The following CORO1A variants were observed in gnomAD, a reference collection of about 807,000 sequenced individuals.
The protein encoded by CORO1A is coronin-1A.
A neutral mutation model predicts 44.1 loss-of-function variants in CORO1A; 17 were observed. That is an observed-to-expected ratio of 0.39 (90% CI 0.26 to 0.58). The LOEUF (loss-of-function observed/expected upper bound fraction) is 0.58, where lower values mean the gene tolerates loss of function less well. Ranked by LOEUF, CORO1A falls within the 20% of genes least tolerant of loss-of-function variation. The pLI, the probability that CORO1A is intolerant of heterozygous loss-of-function variation, is 0.62. For missense variants in CORO1A, 415 were observed against 606.5 expected (o/e 0.68, Z 3.32); for synonymous variants, 271 against 244.2 (o/e 1.11, Z -1.02).
intron 10 of CORO1A, 105 bp from the exon 11 acceptor site, chr16:30,188,755 G>A: frequency 1.8e-6 from 1 of 566,098 alleles, no homozygotes; most frequent in Non-Finnish European, 3.0e-6. Flanking sequence ...AACCAGCTGA[G>A]CGACTAAAGG....
In CORO1A at chr16:30,187,077, G is replaced by A. The variant is rs780371160; in HGVS notation, c.490G>A (p.Gly164Arg). The change falls in exon 5 of 11, where the codon GGG (glycine) becomes AGG (arginine). Residue 164 changes from glycine to arginine, a missense_variant. Transcript: ENST00000219150. Reference protein sequence around the residue: ...NVIMVWDVGTGAAMLTLGPEV... With the variant: ...NVIMVWDVGTRAAMLTLGPEV... ...GATCATGGTGTGGGACGTGGGCACT[G>A]GGGCGGCCATGCTGACACTGGGCCC... is the stretch of plus-strand genomic sequence containing the variant. 1 of 1,614,068 alleles carries A rather than the reference G, an allele frequency of 6.2e-7. No individual in the cohort carries two copies. Among genetic ancestry groups the A allele is most frequent in the South Asian group, 1.1e-5 (1 of 91,082 alleles).
At chr16:30,188,109 C>T in intron 8 of CORO1A, 22 bp downstream of exon 8, 1 of 1,613,754 alleles carries the variant, frequency 6.2e-7, no homozygotes, top group Non-Finnish European at 8.5e-7. Context: ...CCGGCCCTGA[C>T]CGCAGCATGC....
At position 30,188,611 on chromosome 16, in the gene CORO1A, G is replaced by A; in HGVS notation, c.1281+35G>A. The A allele has an allele frequency of 3.6e-6, 4 of 1,120,104 alleles. 1 individual carries two copies. The highest frequency in any genetic ancestry group is 3.9e-6 in the Non-Finnish European group (3 of 764,492). 69.4% of individuals were successfully genotyped at this position (1,120,104 alleles called of 1,614,324 possible). A position where few individuals can be genotyped will look rare whatever the true frequency, so the allele number is the denominator to read the frequency against. Reference sequence around the variant, plus strand: ...CTGGGAAGCCAGGGAATAAAACTGGGAGGGTGGGGTGGGGCTGGTGTTTGG... The same window carrying A: ...CTGGGAAGCCAGGGAATAAAACTGGAAGGGTGGGGTGGGGCTGGTGTTTGG... On this transcript the variant is annotated intron_variant, in intron 10 of 10. Coordinates refer to ENST00000219150, the MANE Select transcript of CORO1A (RefSeq NM_007074.4).
rs770581580 is a variant in CORO1A at position 30,188,229 on chromosome 16, G to A, written c.1045G>A (p.Ala349Thr). The change falls in exon 9 of 11, where the codon GCC becomes ACC. Residue 349 changes from alanine (A) to threonine (T), a missense_variant. This residue lies in a region of CORO1A where 325 missense variants were observed against 521.7 expected (regional missense o/e 0.62). Coordinates refer to ENST00000219150, the MANE Select transcript of CORO1A (RefSeq NM_007074.4). ...KLHERRCEPI[A>T]MTVPRKSDLF... is the part of the protein sequence containing the mutation. ...GCACGAGCGGAGGTGTGAGCCCATT[G>A]CCATGACAGTGCCTCGAAAGGTGAT... 3.7e-6 allele frequency: 6 copies of A among 1,614,014 alleles called. No individual in the cohort carries two copies. The Admixed American group carries it at 5.0e-5, about 13-fold the overall frequency.
intron 5 of CORO1A, 57 bp downstream of exon 5, chr16:30,187,280 C>A: frequency 8.7e-6 from 14 of 1,604,970 alleles, no homozygotes; most frequent in Non-Finnish European, 1.2e-5. Context: ...TCTTATCCAC[C>A]ATCAGCCAGG....
intron 9 of CORO1A, 46 bp from the exon 10 acceptor site, chr16:30,188,315 G>A: frequency 1.9e-6 from 3 of 1,612,162 alleles, no homozygotes; most frequent in African/African-American, 1.3e-5. Flanking sequence ...TGTGGGGGGT[G>A]TCCTGGCATA....
intron 2 of CORO1A, 46 bp from the exon 3 acceptor site, chr16:30,186,552 G>A: frequency 1.2e-6 from 2 of 1,610,852 alleles, no homozygotes; most frequent in Non-Finnish European, 1.7e-6. Context: ...AGGTTGGATT[G>A]GGTTTGGGAG....
chr16:30,186,304 G>C, intron 2 of CORO1A: 1 of 437,494 alleles, frequency 2.3e-6, no homozygotes, highest in Non-Finnish European at 4.3e-6. Flanking sequence ...GCTGGGGTGG[G>C]GGTGCCAACC....
Position 30,188,255 on chromosome 16 carries a change from G to A in CORO1A, c.1065+6G>A. The stretch of plus-strand genomic sequence containing the variant: ...CCATGACAGTGCCTCGAAAGGTGAT[G>A]CTCCCCCGCCCCACCCTGGGCTCCA... On this transcript the variant is annotated splice_donor_region_variant and intron_variant, in intron 9 of 10. Coordinates refer to ENST00000219150, the MANE Select transcript of CORO1A (RefSeq NM_007074.4). 1 of 1,613,914 alleles carries A rather than the reference G, an allele frequency of 6.2e-7. No individual in the cohort carries two copies. The highest frequency in any genetic ancestry group is 8.5e-7 in the Non-Finnish European group (1 of 1,179,886).
chr16:30,186,392 G>A lies in CORO1A; in HGVS notation c.199-206G>A, dbSNP rs1213621750. ...TTGCACGGCCCCCAACCTCTGCCAT[G>A]CGTGGCCAGCCCTCCTGGGGTTTGC... On this transcript the variant is annotated intron_variant, in intron 2 of 10. Coordinates refer to ENST00000219150, the MANE Select transcript of CORO1A (RefSeq NM_007074.4). 8.2e-6 allele frequency: 5 copies of A among 612,448 alleles called. No individual in the cohort carries two copies. In the East Asian group the frequency reaches 1.2e-4, roughly 14 times the overall value. 37.9% of individuals were successfully genotyped at this position (612,448 alleles called of 1,614,324 possible).
chr16:30,188,300 G>C, intron 9 of CORO1A, 51 bp downstream of exon 9: 1 of 1,612,048 alleles, frequency 6.2e-7, no homozygotes, highest in African/African-American at 1.3e-5. Flanking sequence ...CTGACTTTGC[G>C]GTCTTGTGGG....
intron 2 of CORO1A, 37 bp downstream of exon 2, chr16:30,185,444 A>C (rs1465060900): frequency 1.3e-6 from 2 of 1,582,474 alleles, no homozygotes; most frequent in Non-Finnish European, 1.7e-6. Context: ...CAGCTCCTCC[A>C]CCGGACCCAT....
Position 30,187,904 on chromosome 16 carries a change from G to A in CORO1A, c.862-38G>A, listed in dbSNP as rs373553554. 21 of 1,613,040 alleles carry A rather than the reference G, an allele frequency of 1.3e-5. No homozygotes were observed. In the East Asian group the frequency reaches 2.5e-4, roughly 19 times the overall value. ...GAGAGGGCCAGGGCAGTGGGCATCC[G>A]CTGGTATTGACCCTCCCTCCACACC... On this transcript the variant is annotated intron_variant, in intron 7 of 10. Transcript: ENST00000219150.
At chr16:30,186,470 C>A in intron 2 of CORO1A, 128 bp from the exon 3 acceptor site, 1 of 1,186,204 alleles carries the variant, frequency 8.4e-7, no homozygotes, top group Non-Finnish European at 1.2e-6. Context: ...CCCGTCCCCA[C>A]CCCAGGCCCT....
chr16:30,187,588 G>A, intron 6 of CORO1A, 87 bp downstream of exon 6: 1 of 1,531,786 alleles, frequency 6.5e-7, no homozygotes, highest in Non-Finnish European at 8.8e-7. Context: ...CACCTGGCAG[G>A]ATGGCCATGG....
At chr16:30,187,257 C>T in intron 5 of CORO1A, 34 bp downstream of exon 5, 2 of 1,607,124 alleles carry the variant, frequency 1.2e-6, no homozygotes, top group East Asian at 2.2e-5. Flanking sequence ...TTTGACCCTA[C>T]AGCCTTTATC....
chr16:30,186,486 A>G (rs2073335709), intron 2 of CORO1A, 112 bp from the exon 3 acceptor site: 2 of 1,276,502 alleles, frequency 1.6e-6, no homozygotes, highest in East Asian at 4.7e-5. Context: ...GCCCTGGTCC[A>G]GCTCCCAGGG....
rs1028173314 is a variant in CORO1A at position 30,188,397 on chromosome 16, G to T, written c.1102G>T (p.Ala368Ser). Residue 368 changes from alanine (A) to serine (S), a missense_variant, in exon 10 of 11, where the codon GCA (alanine) becomes TCA (serine). Physicochemically the swap from Ala to Ser is moderately conservative, Grantham distance 99 (BLOSUM62 1). This residue lies in a region of CORO1A where 325 missense variants were observed against 521.7 expected (regional missense o/e 0.62). Transcript: ENST00000219150. The part of the protein sequence containing the change: ...LFQEDLYPPT[A>S]GPDPALTAEE... ...CCAGGAGGACCTGTACCCACCCACC[G>T]CAGGGCCCGACCCTGCCCTCACGGC... 3 of 1,613,686 alleles carry T rather than the reference G, an allele frequency of 1.9e-6. No individual in the cohort carries two copies. The Admixed American group carries it at 5.0e-5, about 27-fold the overall frequency.
At chr16:30,188,705 A>G in intron 10 of CORO1A, 129 bp downstream of exon 10, 1 of 741,788 alleles carries the variant, frequency 1.3e-6, no homozygotes, top group Non-Finnish European at 2.2e-6. Flanking sequence ...GCCTCAGAAC[A>G]CAGGTTTCAG....
Sources: allele counts gnomAD v4.1 joint callset, GRCh38; gene constraint gnomAD v4.1.1; regional missense constraint gnomAD v4.1.1; transcripts MANE v1.5; gene names NCBI Gene and HGNC (gene_info 2026-07-23, HGNC 2026-07-21).